CAPS2: variants seen among roughly 807,000 people sequenced by gnomAD.
CAPS2 encodes calcyphosin-2.
In CAPS2, 98 loss-of-function variants were observed where a neutral mutation model predicts 86.5. That is an observed-to-expected ratio of 1.13 (90% CI 0.96 to 1.34). CAPS2 has a LOEUF of 1.34. CAPS2 is among the 40% of genes most tolerant of loss of function. The probability of loss-of-function intolerance (pLI) is 0.00; values close to 1 mark genes in which losing one functional copy is unlikely to be tolerated. For missense variants in CAPS2, 729 were observed against 686.8 expected (o/e 1.06, Z -0.69); for synonymous variants, 210 against 225.1 (o/e 0.93, Z 0.60).
exon 5 of CAPS2, chr12:75,321,522 T>C (rs1428052962): frequency 6.5e-7 from 1 of 1,548,940 alleles, no homozygotes; most frequent in Admixed American, 2.0e-5. Flanking sequence ...TGCTGATATT[T>C]TAGTTTACAT....
intron 12 of CAPS2, 32 bp from the exon 13 acceptor site, chr12:75,291,852 T>C (rs1317105875): frequency 1.8e-6 from 2 of 1,107,788 alleles, no homozygotes; most frequent in African/African-American, 1.6e-5. Flanking sequence ...GGATGAAATA[T>C]ATATATATTC....
At chr12:75,290,783 G>T (rs181270218) in intron 13 of CAPS2, among the ~76,000 whole-genome samples, 13 of 152,018 alleles carry the variant, frequency 8.6e-5, no homozygotes, top group African/African-American at 2.4e-4. Context: ...TTAGCCGGGT[G>T]TGGTGGCATG....
At chr12:75,366,011 C>G (rs954622336) in intron 1 of CAPS2, among the ~76,000 whole-genome samples, 1 of 152,044 alleles carries the variant, frequency 6.6e-6, no homozygotes, top group Non-Finnish European at 1.5e-5. Context: ...TCCACTTGAT[C>G]AATAAACAAA....
intron 1 of CAPS2, among the ~76,000 whole-genome samples, chr12:75,336,446 A>G (rs1462095478): frequency 1.3e-5 from 2 of 151,834 alleles, no homozygotes; most frequent in Non-Finnish European, 3.0e-5. Context: ...TATCACAAAT[A>G]GATTAAAGTA....
intron 1 of CAPS2, chr12:75,360,215 A>T (rs1191539916): frequency 6.6e-6 from 1 of 152,132 alleles, no homozygotes. Context: ...AAACCCTATC[A>T]TTCTGCCCCA....
At chr12:75,298,060 T>A (rs1465796962) in intron 11 of CAPS2, 1 of 152,254 alleles carries the variant, frequency 6.6e-6, no homozygotes, top group African/African-American at 2.4e-5. Context: ...CATCTACAGA[T>A]CTTAGGATAG....
At chr12:75,301,680 GA>G (rs1323710695) in intron 8 of CAPS2, among the ~76,000 whole-genome samples, 2 of 152,164 alleles carry the variant, frequency 1.3e-5, no homozygotes, top group African/African-American at 2.4e-5. Context: ...GGCAGAGCTA[GA>G]AAAAACTTTG....
downstream of CAPS2, chr12:75,277,058 T>C (rs1389966523): frequency 4.1e-6 from 4 of 984,606 alleles, no homozygotes; most frequent in Non-Finnish European, 4.8e-6. Flanking sequence ...ATTTACTGTG[T>C]CACCAATTCT....
chr12:75,384,788 T>C (rs1324051309), intron 1 of CAPS2, among the ~76,000 whole-genome samples: 1 of 152,194 alleles, frequency 6.6e-6, no homozygotes, highest in Non-Finnish European at 1.5e-5. Flanking sequence ...CAACAACGTA[T>C]AAAAATAATT....
rs149372110 is a variant in CAPS2 at position 75,355,952 on chromosome 12, G to C, written c.-394-32730C>G. Among the ~76,000 whole-genome samples, 219 of 152,202 alleles carry C rather than the reference G, an allele frequency of 1.4e-3. 1 individual carries two copies. The highest frequency in any genetic ancestry group is 3.9e-3 in the South Asian group (19 of 4,822). On this transcript the variant is annotated intron_variant, in intron 1 of 5. Transcript: ENST00000551829. ...ATGGGAACGCTTGGCCACACAAAGG[G>C]TAACAACACACACTGGGGCCTGTTG...
At chr12:75,340,137 A>G (rs2042005811) in intron 1 of CAPS2, among the ~76,000 whole-genome samples, 1 of 149,970 alleles carries the variant, frequency 6.7e-6, no homozygotes, top group African/African-American at 2.4e-5. Flanking sequence ...TTATACACAC[A>G]TATATATAAA....
intron 7 of CAPS2, chr12:75,305,816 G>A (rs2038405506): frequency 1.4e-6 from 1 of 737,126 alleles, no homozygotes; most frequent in Non-Finnish European, 2.5e-6. Context: ...GTGATGGAGG[G>A]GCATATTCAG....
chr12:75,282,360 ATAT>A lies in CAPS2; in HGVS notation c.1516-16_1516-14del. ...GTTTCATAAAGGCCTAAACAGACAA[ATAT>A]TATTATTATTAGTTTGTTGGTTGGT... On this transcript the variant is annotated splice_polypyrimidine_tract_variant and intron_variant, in intron 15 of 16. Transcript: ENST00000393284. The A allele has an allele frequency of 2.8e-5, 41 of 1,487,804 alleles. No individual in the cohort carries two copies. The highest frequency in any genetic ancestry group is 3.6e-5 in the Non-Finnish European group (38 of 1,065,650). 92.2% of individuals were successfully genotyped at this position (1,487,804 alleles called of 1,614,324 possible).
At chr12:75,388,999 A>C (rs2045435372) in intron 1 of CAPS2, among the ~76,000 whole-genome samples, 1 of 152,194 alleles carries the variant, frequency 6.6e-6, no homozygotes, top group Non-Finnish European at 1.5e-5. Context: ...AAAACAAAAC[A>C]AAACAAAAAA....
chr12:75,334,897 T>TA, upstream of CAPS2: 1 of 1,612,956 alleles, frequency 6.2e-7, no homozygotes, highest in Non-Finnish European at 8.5e-7. Context: ...CGACATGAAA[T>TA]ACATGGTGAG....
At chr12:75,389,434 G>A (rs2045460432) in intron 1 of CAPS2, among the ~76,000 whole-genome samples, 2 of 152,216 alleles carry the variant, frequency 1.3e-5, no homozygotes, top group African/African-American at 4.8e-5. Flanking sequence ...ATGATCACCT[G>A]TCAGTGATGT....
intron 1 of CAPS2, among the ~76,000 whole-genome samples, chr12:75,377,991 G>A (rs2044750416): frequency 6.6e-6 from 1 of 151,732 alleles, no homozygotes; most frequent in African/African-American, 2.4e-5. Context: ...ACAAAGCTGG[G>A]TGATTGATAC....
At chr12:75,288,773 A>G (rs1426256948) in intron 14 of CAPS2, among the ~76,000 whole-genome samples, 2 of 152,182 alleles carry the variant, frequency 1.3e-5, no homozygotes, top group African/African-American at 4.8e-5. Context: ...GCTGGGTTCT[A>G]TTTCAGATGT....
At chr12:75,305,033 C>T (rs976171297) in intron 7 of CAPS2, 157 bp from the exon 8 acceptor site, 2 of 529,306 alleles carry the variant, frequency 3.8e-6, no homozygotes, top group Middle Eastern at 5.5e-4. Flanking sequence ...AAAATATTTT[C>T]CATAAGAAAG....
Sources: allele counts gnomAD v4.1 joint callset (sites outside exome capture counted in the v4.1 genomes callset), GRCh38; gene constraint gnomAD v4.1.1; transcripts MANE v1.5; gene names NCBI Gene and HGNC (gene_info 2026-07-23, HGNC 2026-07-21).